EXTL3: variants seen among roughly 807,000 people sequenced by gnomAD.
The protein encoded by EXTL3 is exostosin like glycosyltransferase 3, also known as exostosin-like 3.
EXTL3 carries 27 observed loss-of-function variants against 69.3 expected under a neutral mutation model. The ratio of observed to expected loss-of-function variants is 0.39; its 90% CI spans 0.29 to 0.54. The LOEUF is 0.54. Ranked by LOEUF, EXTL3 falls within the 20% of genes least tolerant of loss-of-function variation. The pLI, the probability that EXTL3 is intolerant of heterozygous loss-of-function variation, is 0.69. For missense variants in EXTL3, 1,003 were observed against 1,231.8 expected (o/e 0.81, Z 2.78); for synonymous variants, 511 against 499.4 (o/e 1.02, Z -0.31).
intron 3 of EXTL3, among the ~76,000 whole-genome samples, chr8:28,718,889 G>A (rs982371581): frequency 7.2e-5 from 11 of 152,156 alleles, no homozygotes; most frequent in Non-Finnish European, 1.5e-4. Flanking sequence ...GTTAAGTGCT[G>A]TATTTTACAG....
At chr8:28,663,347 G>A (rs1467664480) in intron 1 of EXTL3, among the ~76,000 whole-genome samples, 1 of 152,202 alleles carries the variant, frequency 6.6e-6, no homozygotes, top group Non-Finnish European at 1.5e-5. Context: ...CAAGGGCTCA[G>A]GCAGATCAGT....
rs1234674719 is a variant in EXTL3 at position 28,752,562 on chromosome 8, C to G, written c.*1696C>G. The G allele has an allele frequency of 6.5e-6, 1 of 152,704 alleles. No homozygotes were observed. The highest frequency in any genetic ancestry group is 2.4e-5 in the African/African-American group (1 of 41,452). 9.5% of individuals were successfully genotyped at this position (152,704 alleles called of 1,614,324 possible). A position where few individuals can be genotyped will look rare whatever the true frequency, so the allele number is the denominator to read the frequency against. On this transcript the variant is annotated 3_prime_UTR_variant, in exon 7 of 7. Transcript: ENST00000220562. The stretch of plus-strand genomic sequence containing the variant: ...GTGTAGCTCCCACCCACCTGTAGGG[C>G]TAGCTCGGCTTAAGGGAACTCTCCC...
At chr8:28,627,372 G>A (rs1424218946) in intron 1 of EXTL3, among the ~76,000 whole-genome samples, 10 of 151,514 alleles carry the variant, frequency 6.6e-5, no homozygotes, top group Admixed American at 6.6e-4. Context: ...TGCATCTGTT[G>A]CCCAAACTAC....
intron 1 of EXTL3, among the ~76,000 whole-genome samples, chr8:28,694,521 G>C (rs1800658039): frequency 6.6e-6 from 1 of 152,204 alleles, no homozygotes; most frequent in African/African-American, 2.4e-5. Context: ...TAAAGTTTCA[G>C]GCTCTGGAGT....
intron 1 of EXTL3, among the ~76,000 whole-genome samples, chr8:28,708,446 T>TA (rs57656988): frequency 3.3e-5 from 5 of 149,764 alleles, no homozygotes; most frequent in South Asian, 4.2e-4. Flanking sequence ...TTTTTTTTTT[T>TA]AAACAGAAGA....
chr8:28,728,928 A>C (rs753218124), intron 3 of EXTL3, among the ~76,000 whole-genome samples: 3 of 152,166 alleles, frequency 2.0e-5, no homozygotes, highest in Non-Finnish European at 4.4e-5. Context: ...GTAATCAAGT[A>C]AACAAGGGAT....
intron 1 of EXTL3, among the ~76,000 whole-genome samples, chr8:28,646,362 G>A (rs1806830359): frequency 6.6e-6 from 1 of 152,174 alleles, no homozygotes; most frequent in Non-Finnish European, 1.5e-5. Context: ...CGAATCCATA[G>A]CTATGTTAAG....
intron 1 of EXTL3, among the ~76,000 whole-genome samples, chr8:28,669,244 T>C (rs1480303098): frequency 6.6e-6 from 1 of 152,252 alleles, no homozygotes; most frequent in Admixed American, 6.5e-5. Context: ...CAATTCGCAC[T>C]GCACTAACTA....
intron 1 of EXTL3, among the ~76,000 whole-genome samples, chr8:28,648,183 C>T (rs1585230444): frequency 6.6e-6 from 1 of 152,268 alleles, no homozygotes; most frequent in Non-Finnish European, 1.5e-5. Flanking sequence ...GCTGAGTTTC[C>T]ATACAGGTAG....
intron 1 of EXTL3, among the ~76,000 whole-genome samples, chr8:28,674,005 T>C (rs1807340436): frequency 6.6e-6 from 1 of 152,236 alleles, no homozygotes; most frequent in Non-Finnish European, 1.5e-5. Flanking sequence ...CACAGAATAC[T>C]GTGTTGGATA....
rs1801970655 is a variant in EXTL3 at position 28,750,029 on chromosome 8, T to C, written c.2551-628T>C. 6.6e-6 allele frequency among the ~76,000 whole-genome samples: 1 copy of C among 152,236 alleles called. No homozygotes were observed. The highest frequency in any genetic ancestry group is 2.1e-4 in the South Asian group (1 of 4,836). On this transcript the variant is annotated intron_variant, in intron 6 of 6. Transcript: ENST00000220562. This position sits in a 1 kb window ranked among gnomAD's most constrained non-coding sequence, Gnocchi z 5.2. The stretch of plus-strand genomic sequence containing the variant: ...GCCCTGTATTTAAAGAGATGGTTTA[T>C]GTATTTCTTCTTGCATGTTCAGGTG...
intron 4 of EXTL3, among the ~76,000 whole-genome samples, chr8:28,734,385 T>G (rs1003487646): frequency 3.9e-5 from 6 of 152,224 alleles, no homozygotes; most frequent in Non-Finnish European, 7.3e-5. Context: ...ATAATAATTT[T>G]GGGGAAAAAT....
intron 6 of EXTL3, among the ~76,000 whole-genome samples, chr8:28,747,560 T>C (rs1801912555): frequency 6.6e-6 from 1 of 152,140 alleles, no homozygotes; most frequent in Admixed American, 6.5e-5. Context: ...TTAAAAATTA[T>C]TTGAGAAAAG....
At chr8:28,621,118 G>C (rs1806404575), upstream of EXTL3, among the ~76,000 whole-genome samples, 1 of 152,112 alleles carries the variant, frequency 6.6e-6, no homozygotes, top group Non-Finnish European at 1.5e-5. Flanking sequence ...TGAATCTCCA[G>C]GTGTGCACTG....
At chr8:28,741,845 CATTT>C (rs1345892704) in intron 5 of EXTL3, 1 of 152,168 alleles carries the variant, frequency 6.6e-6, no homozygotes, top group Non-Finnish European at 1.5e-5. Flanking sequence ...ATAATTAGCA[CATTT>C]ATTCTGTGTT....
upstream of EXTL3, among the ~76,000 whole-genome samples, chr8:28,619,596 T>G (rs1216204827): frequency 6.6e-6 from 1 of 152,008 alleles, no homozygotes; most frequent in Non-Finnish European, 1.5e-5. Flanking sequence ...GGGCTGTTTC[T>G]TCTGTCTACT....
intron 1 of EXTL3, among the ~76,000 whole-genome samples, chr8:28,639,851 C>G (rs1806715806): frequency 6.6e-6 from 1 of 152,198 alleles, no homozygotes; most frequent in Admixed American, 6.5e-5. Flanking sequence ...GCCTGTAATC[C>G]CAGCACTTTG....
chr8:28,706,432 C>T (rs939757635), intron 1 of EXTL3, among the ~76,000 whole-genome samples: 1 of 152,086 alleles, frequency 6.6e-6, no homozygotes, highest in Non-Finnish European at 1.5e-5. Flanking sequence ...GAAGTTAAAT[C>T]TTTTTTCTCA....
chr8:28,718,569 A>C (rs140979631), intron 3 of EXTL3, among the ~76,000 whole-genome samples: 1 of 152,328 alleles, frequency 6.6e-6, no homozygotes, highest in African/African-American at 2.4e-5. Flanking sequence ...CACTATAATA[A>C]GCATTTTGTG....
Sources: allele counts gnomAD v4.1 joint callset (sites outside exome capture counted in the v4.1 genomes callset), GRCh38; gene constraint gnomAD v4.1.1; non-coding constraint Gnocchi (gnomAD v3.1); transcripts MANE v1.5; gene names NCBI Gene and HGNC (gene_info 2026-07-23, HGNC 2026-07-21).